The following EPM2A variants were observed in gnomAD, a reference collection of about 807,000 sequenced individuals.
EPM2A encodes the protein laforin.
A neutral mutation model predicts 26.5 loss-of-function variants in EPM2A; 21 were observed. The ratio of observed to expected loss-of-function variants is 0.79; its 90% CI spans 0.56 to 1.14. EPM2A has a LOEUF of 1.14. Among genes scored for constraint, EPM2A ranks in the 50% most tolerant of loss-of-function variants. The probability of loss-of-function intolerance (pLI) is 0.00; values close to 1 mark genes in which losing one functional copy is unlikely to be tolerated. For missense variants in EPM2A, 458 were observed against 440.8 expected (o/e 1.04, Z -0.35); for synonymous variants, 217 against 177.6 (o/e 1.22, Z -1.76).
At chr6:145,479,892 A>G (rs946338904) in intron 4 of EPM2A, among the ~76,000 whole-genome samples, 1 of 152,078 alleles carries the variant, frequency 6.6e-6, no homozygotes, top group African/African-American at 2.4e-5. Context: ...AAGGATTTCA[A>G]TTCCTCCACA....
chr6:145,491,112 CT>C, intron 4 of EPM2A: 4 of 610,562 alleles, frequency 6.6e-6, no homozygotes, highest in East Asian at 4.4e-5. Flanking sequence ...ATTTGGCCAC[CT>C]TTTTTCTTGT....
chr6:145,626,733 T>C lies in EPM2A; in HGVS notation c.*683A>G, dbSNP rs1455598803. The C allele has an allele frequency of 1.0e-5, 10 of 986,232 alleles. No homozygotes were observed. The African/African-American group carries it at 1.7e-4, about 17-fold the overall frequency. 61.1% of individuals were successfully genotyped at this position (986,232 alleles called of 1,614,324 possible). A position where few individuals can be genotyped will look rare whatever the true frequency, so the allele number is the denominator to read the frequency against. On this transcript the variant is annotated 3_prime_UTR_variant, in exon 4 of 4. Transcript: ENST00000367519. ...ATTTAACTTCTTGACATCTCAACTA[T>C]AAAAAACAAGGGTATTTTTTGCTTT...
intron 4 of EPM2A, among the ~76,000 whole-genome samples, chr6:145,496,163 G>A (rs1301043582): frequency 6.6e-6 from 1 of 152,170 alleles, no homozygotes; most frequent in Non-Finnish European, 1.5e-5. Flanking sequence ...TTTCCACTGA[G>A]AGGTCTGCTG....
At chr6:145,417,656 G>A (rs963837760) in intron 4 of EPM2A, among the ~76,000 whole-genome samples, 3 of 152,002 alleles carry the variant, frequency 2.0e-5, no homozygotes, top group African/African-American at 4.8e-5. Context: ...TCTTTTTCTG[G>A]TATTTTCTTA....
chr6:145,401,820 T>C (rs906483460), intron 4 of EPM2A, among the ~76,000 whole-genome samples: 1 of 152,216 alleles, frequency 6.6e-6, no homozygotes, highest in East Asian at 1.9e-4. Flanking sequence ...CCGCCTCAAG[T>C]GGCTAAATCT....
chr6:145,729,541 G>A (rs1198310425), intron 1 of EPM2A, among the ~76,000 whole-genome samples: 1 of 152,210 alleles, frequency 6.6e-6, no homozygotes, highest in Non-Finnish European at 1.5e-5. Context: ...GCTCTGCTAG[G>A]TTTTGGACTT....
At chr6:145,619,686 C>A (rs1452499089) in intron 2 of EPM2A, among the ~76,000 whole-genome samples, 1 of 151,962 alleles carries the variant, frequency 6.6e-6, no homozygotes, top group African/African-American at 2.4e-5. Context: ...TCCCCACCAA[C>A]ATTTCTTTTT....
intron 1 of EPM2A, among the ~76,000 whole-genome samples, chr6:145,694,469 T>C (rs1375274218): frequency 6.6e-6 from 1 of 152,032 alleles, no homozygotes; most frequent in Non-Finnish European, 1.5e-5. Context: ...CTTTGATGAA[T>C]GGCAAAATGC....
At position 145,701,090 on chromosome 6, in the gene EPM2A, A is replaced by T. The variant is rs770822133; in HGVS notation, c.302-14794T>A. Among the ~76,000 whole-genome samples the T allele has an allele frequency of 3.2e-4, 49 of 152,348 alleles. 1 individual carries two copies. The highest frequency in any genetic ancestry group is 6.2e-4 in the South Asian group (3 of 4,830). On this transcript the variant is annotated intron_variant, in intron 1 of 3. Coordinates refer to ENST00000367519, the MANE Select transcript of EPM2A (RefSeq NM_005670.4). The stretch of plus-strand genomic sequence containing the variant: ...CTAGGTTGTTTTAAATCCTTTTAAT[A>T]AGACATTATAAACTGAAAATAAAAG...
chr6:145,497,398 G>C (rs1779835274), downstream of EPM2A, among the ~76,000 whole-genome samples: 1 of 152,208 alleles, frequency 6.6e-6, no homozygotes, highest in Non-Finnish European at 1.5e-5. Context: ...CAAAGTGGCA[G>C]CCTGCCCCTT....
At chr6:145,593,281 A>G (rs1281799100) in intron 2 of EPM2A, among the ~76,000 whole-genome samples, 2 of 152,144 alleles carry the variant, frequency 1.3e-5, no homozygotes, top group Non-Finnish European at 2.9e-5. Flanking sequence ...ACATAACAAC[A>G]CAGCATCAAA....
chr6:145,615,952 T>C (rs1288973695), intron 2 of EPM2A, among the ~76,000 whole-genome samples: 1 of 152,172 alleles, frequency 6.6e-6, no homozygotes, highest in Non-Finnish European at 1.5e-5. Flanking sequence ...TTTGGAAAAT[T>C]TGCAGCCTGA....
At chr6:145,650,551 C>CAA (rs745740342) in intron 2 of EPM2A, among the ~76,000 whole-genome samples, 1 of 123,914 alleles carries the variant, frequency 8.1e-6, no homozygotes, top group Non-Finnish European at 1.7e-5. Flanking sequence ...GACTCTGTCT[C>CAA]AAAAAAAAAA....
rs529646199 is a variant in EPM2A, at chr6:145,403,379, AC to A, written c.556-19283del. 1.3e-3 allele frequency among the ~76,000 whole-genome samples: 187 copies of A among 143,284 alleles called. 1 individual carries two copies. Among genetic ancestry groups the A allele is most frequent in the African/African-American group, 4.6e-3 (177 of 38,704 alleles). 94.0% of individuals were successfully genotyped at this position (143,284 alleles called of 152,430 possible). A position where few individuals can be genotyped will look rare whatever the true frequency, so the allele number is the denominator to read the frequency against. On this transcript the variant is annotated intron_variant, in intron 4 of 4. Transcript: ENST00000638717. ...TTGTACCCACTATCCATCCTCCCACACCCCCTCCCCCCAACCACCACCCCCT... is the reference window on the plus strand; with the variant it reads ...TTGTACCCACTATCCATCCTCCCACACCCCTCCCCCCAACCACCACCCCCT...
intron 4 of EPM2A, among the ~76,000 whole-genome samples, chr6:145,484,587 G>A (rs1392762109): frequency 6.6e-6 from 1 of 152,056 alleles, no homozygotes; most frequent in Non-Finnish European, 1.5e-5. Flanking sequence ...CATTCTGTAT[G>A]TAATTATAGG....
At chr6:145,577,571 A>T (rs768282846) in intron 2 of EPM2A, among the ~76,000 whole-genome samples, 1 of 147,250 alleles carries the variant, frequency 6.8e-6, no homozygotes, top group Non-Finnish European at 1.5e-5. Flanking sequence ...GCTAAAGAGA[A>T]ATGTAGACCC....
At chr6:145,689,741 C>T (rs1781155019) in intron 1 of EPM2A, among the ~76,000 whole-genome samples, 1 of 152,216 alleles carries the variant, frequency 6.6e-6, no homozygotes, top group Non-Finnish European at 1.5e-5. Flanking sequence ...CATGGGTACA[C>T]TTCCACTTTT....
At chr6:145,636,167 A>T (rs1375544910) in intron 2 of EPM2A, 3 of 152,492 alleles carry the variant, frequency 2.0e-5, no homozygotes, top group Non-Finnish European at 4.4e-5. Context: ...AAAAATTTTA[A>T]TAACCCTTTA....
At chr6:145,537,618 A>G (rs1172336979) in intron 2 of EPM2A, among the ~76,000 whole-genome samples, 1 of 145,128 alleles carries the variant, frequency 6.9e-6, no homozygotes, top group Non-Finnish European at 1.5e-5. Context: ...AAGTTCCAGG[A>G]TACATGTGTA....
Sources: allele counts gnomAD v4.1 joint callset (sites outside exome capture counted in the v4.1 genomes callset), GRCh38; gene constraint gnomAD v4.1.1; transcripts MANE v1.5; gene names NCBI Gene and HGNC (gene_info 2026-07-23, HGNC 2026-07-21).